Variants in GUCA2A observed in about 807,000 individuals in gnomAD.
GUCA2A encodes the protein guanylin.
GUCA2A carries 17 observed loss-of-function variants against 11.2 expected under a neutral mutation model. That is an observed-to-expected ratio of 1.52 (90% CI 1.04 to 2.28). The LOEUF (loss-of-function observed/expected upper bound fraction) is 2.28, where lower values mean the gene tolerates loss of function less well. Among genes scored for constraint, GUCA2A ranks in the 30% most tolerant of loss-of-function variants. The probability of loss-of-function intolerance (pLI) is 0.00; values close to 1 mark genes in which losing one functional copy is unlikely to be tolerated. For missense variants in GUCA2A, 173 were observed against 139.3 expected, an observed-to-expected ratio of 1.24 and a Z score of -1.22; for synonymous variants, 64 against 57.1, an observed-to-expected ratio of 1.12 and a Z score of -0.54.
intron 2 of GUCA2A, 31 bp from the exon 3 acceptor site, chr1:42,163,001 C>G (rs1192111756): frequency 6.3e-7 from 1 of 1,579,524 alleles, no homozygotes; most frequent in Admixed American, 1.7e-5. Context: ...CTCGTGAGAA[C>G]CAGCATTTCC....
intron 2 of GUCA2A, 110 bp downstream of exon 2, chr1:42,163,293 T>C: frequency 1.4e-6 from 1 of 724,884 alleles, no homozygotes; most frequent in South Asian, 1.8e-5. Context: ...GTTCCACCAG[T>C]CAGAGCTGAG....
chr1:42,163,508 G>A lies in GUCA2A; in HGVS notation c.178C>T (p.Pro60Ser), dbSNP rs537724623. The A allele has an allele frequency of 8.1e-6, 13 of 1,613,502 alleles. No individual in the cohort carries two copies. Among genetic ancestry groups the A allele is most frequent in the East Asian group, 2.2e-5 (1 of 44,876 alleles). ...AGGATGGGAACCACAGGTTCACCAGGGATGGGTGCAAAGTTCCTGAGTTTC... is the reference window on the plus strand; with the variant it reads ...AGGATGGGAACCACAGGTTCACCAGAGATGGGTGCAAAGTTCCTGAGTTTC... Reference protein sequence around the residue: ...VGKLRNFAPIPGEPVVPILCS... With the variant: ...VGKLRNFAPISGEPVVPILCS... The change falls in exon 2 of 3, where the codon CCT becomes TCT. Residue 60 changes from proline (P) to serine (S), a missense_variant. Coordinates refer to ENST00000357001, the MANE Select transcript of GUCA2A (RefSeq NM_033553.3).
At position 42,164,741 on chromosome 1, in the gene GUCA2A, G is replaced by C. The variant is rs1321672380; in HGVS notation, c.-29C>G. On this transcript the variant is annotated 5_prime_UTR_variant, in exon 1 of 3. Coordinates refer to ENST00000357001, the MANE Select transcript of GUCA2A (RefSeq NM_033553.3). ...AGCAGTGCCCGAGAGAGGGGTGGCT[G>C]TTCTGGATGCCAGGGGGAAGCGGCG... The C allele has an allele frequency of 1.5e-6, 2 of 1,375,864 alleles. No homozygotes were observed. Among genetic ancestry groups the C allele is most frequent in the East Asian group, 5.0e-5 (2 of 40,210 alleles). The allele number at this position is 1,375,864 out of a possible 1,614,324, so 85.2% of individuals were successfully genotyped here. A position where few individuals can be genotyped will look rare whatever the true frequency, so the allele number is the denominator to read the frequency against.
intron 2 of GUCA2A, 37 bp downstream of exon 2, chr1:42,163,366 C>A (rs2232225): frequency 1.5e-6 from 2 of 1,360,698 alleles, no homozygotes; most frequent in East Asian, 4.6e-5. Flanking sequence ...ACAGTATTCC[C>A]GAACCCCACC....
Position 42,163,399 on chromosome 1 carries a change from T to C in GUCA2A, c.283+4A>G. 1.9e-6 allele frequency: 3 copies of C among 1,579,472 alleles called. No individual in the cohort carries two copies. The highest frequency in any genetic ancestry group is 2.6e-6 in the Non-Finnish European group (3 of 1,148,540). The stretch of plus-strand genomic sequence containing the variant: ...ACCAATCAGAGAGGAAGGAGGCTGC[T>C]CACCCAGCCTCTGAAGTATCTCCTG... On this transcript the variant is annotated splice_donor_region_variant and intron_variant, in intron 2 of 2. Transcript: ENST00000357001.
intron 1 of GUCA2A, among the ~76,000 whole-genome samples, chr1:42,164,421 T>C (rs1344058116): frequency 1.3e-5 from 2 of 152,208 alleles, no homozygotes; most frequent in Admixed American, 6.5e-5. Flanking sequence ...CTTCCCCATA[T>C]GGTTATTCCT....
chr1:42,162,850 G>T lies in GUCA2A; in HGVS notation c.*56C>A, dbSNP rs1473127901. On this transcript the variant is annotated 3_prime_UTR_variant, in exon 3 of 3. Transcript: ENST00000357001. ...TGGAGTATCATGGGTGGCCCTTTCT[G>T]CAGGAGAAAAGAGCTTCCCTGCTGC... is the stretch of plus-strand genomic sequence containing the variant. 1.4e-6 allele frequency: 2 copies of T among 1,419,134 alleles called. No individual in the cohort carries two copies. The highest frequency in any genetic ancestry group is 1.4e-5 in the African/African-American group (1 of 70,646). The allele number at this position is 1,419,134 out of a possible 1,614,324, so 87.9% of individuals were successfully genotyped here.
chr1:42,164,406 C>T (rs913285514), intron 1 of GUCA2A, among the ~76,000 whole-genome samples: 1 of 152,168 alleles, frequency 6.6e-6, no homozygotes, highest in African/African-American at 2.4e-5. Flanking sequence ...TGGCCAACTC[C>T]CCGCCTTCCC....
At position 42,164,698 on chromosome 1, in the gene GUCA2A, C is replaced by T. The variant is rs1215052001; in HGVS notation, c.15G>A (p.Leu5=). The part of the protein sequence containing the change: MNAF[L]LSALCLLGAW... ...CCCCAAGGAGGCACAGTGCGGAGAG[C>T]AGGAAGGCATTCATGGCAGCAGTGC... is the stretch of plus-strand genomic sequence containing the variant. Residue 5 remains leucine, a synonymous_variant, in exon 1 of 3, where the codon CTG becomes CTA. Coordinates refer to ENST00000357001, the MANE Select transcript of GUCA2A (RefSeq NM_033553.3). 1 of 1,550,282 alleles carries T rather than the reference C, an allele frequency of 6.5e-7. No individual in the cohort carries two copies. The highest frequency in any genetic ancestry group is 8.7e-7 in the Non-Finnish European group (1 of 1,145,252).
rs767418875 is a variant in GUCA2A at position 42,163,420 on chromosome 1, T to TCA, written c.265_266insTG (p.Glu89ValfsTer?). On this transcript the variant is annotated frameshift_variant, in exon 2 of 3. Coordinates refer to ENST00000357001, the MANE Select transcript of GUCA2A (RefSeq NM_033553.3). LOFTEE classifies it high-confidence loss of function. Reference sequence around the variant, plus strand: ...CTGCTCACCCAGCCTCTGAAGTATCTCCTGGGCATTGGGCTCCTTGCAGAG... The same window carrying TCA: ...CTGCTCACCCAGCCTCTGAAGTATCTCACCTGGGCATTGGGCTCCTTGCAGAG... The TCA allele has an allele frequency of 1.9e-6, 3 of 1,611,954 alleles. No homozygotes were observed. The South Asian group carries it at 3.3e-5, about 18-fold the overall frequency.
chr1:42,162,978 A>G lies in GUCA2A; in HGVS notation c.284-8T>C, dbSNP rs577504459. The G allele has an allele frequency of 8.7e-6, 14 of 1,610,680 alleles. No individual in the cohort carries two copies. In the South Asian group the frequency reaches 9.9e-5, roughly 11 times the overall value. ...GGTCCTCAGCGATTTCCTCTGCACA[A>G]CAGAGATGGAGCCTCGTGAGAACCA... is the stretch of plus-strand genomic sequence containing the variant. On this transcript the variant is annotated splice_polypyrimidine_tract_variant and splice_region_variant and intron_variant, in intron 2 of 2. Transcript: ENST00000357001.
chr1:42,163,871 G>A (rs1053157271), intron 1 of GUCA2A, among the ~76,000 whole-genome samples: 3 of 152,236 alleles, frequency 2.0e-5, no homozygotes, highest in African/African-American at 7.2e-5. Context: ...TGAAGCTCCA[G>A]GAACACCATA....
chr1:42,162,833 C>T lies in GUCA2A; in HGVS notation c.*73G>A. 8.1e-7 allele frequency: 1 copy of T among 1,234,648 alleles called. No homozygotes were observed. The highest frequency in any genetic ancestry group is 1.2e-6 in the Non-Finnish European group (1 of 835,448). 76.5% of individuals were successfully genotyped at this position (1,234,648 alleles called of 1,614,324 possible). On this transcript the variant is annotated 3_prime_UTR_variant, in exon 3 of 3. Transcript: ENST00000357001. ...GGTTGAGCTGCTGGGAGTGGAGTAT[C>T]ATGGGTGGCCCTTTCTGCAGGAGAA...
chr1:42,164,658 C>T lies in GUCA2A; in HGVS notation c.55G>A (p.Ala19Thr). The T allele has an allele frequency of 6.5e-7, 1 of 1,550,310 alleles. No individual in the cohort carries two copies. The highest frequency in any genetic ancestry group is 8.7e-7 in the Non-Finnish European group (1 of 1,146,234). The part of the protein sequence containing the change: ...LCLLGAWAAL[A>T]GGVTVQDGNF... ...CTCACCTGCACGGTGACCCCTCCTG[C>T]CAAGGCGGCCCAGGCCCCAAGGAGG... Residue 19 changes from alanine to threonine, a missense_variant, in exon 1 of 3, where the codon GCA becomes ACA. By Grantham distance (58) the Ala-to-Thr change is moderately conservative. Coordinates refer to ENST00000357001, the MANE Select transcript of GUCA2A (RefSeq NM_033553.3).
In GUCA2A at chr1:42,162,954, G is replaced by A. The variant is rs776697003; in HGVS notation, c.300C>T (p.Asp100=). The change falls in exon 3 of 3, where the codon GAC becomes GAT. Residue 100 remains aspartate, a synonymous_variant. Transcript: ENST00000357001. Reference sequence around the variant, plus strand: ...AGGCACAGATTTCACATGTGCCCGGGTCCTCAGCGATTTCCTCTGCACAAC... The same window carrying A: ...AGGCACAGATTTCACATGTGCCCGGATCCTCAGCGATTTCCTCTGCACAAC... ...ILQRLEEIAE[D]PGTCEICAYA... The A allele has an allele frequency of 6.2e-7, 1 of 1,613,778 alleles. No individual in the cohort carries two copies. Among genetic ancestry groups the A allele is most frequent in the Non-Finnish European group, 8.5e-7 (1 of 1,179,734 alleles).
In GUCA2A at chr1:42,162,949, C is replaced by G; in HGVS notation, c.305G>C (p.Gly102Ala). The G allele has an allele frequency of 6.2e-7, 1 of 1,613,794 alleles. No individual in the cohort carries two copies. Among genetic ancestry groups the G allele is most frequent in the Non-Finnish European group, 8.5e-7 (1 of 1,179,754 alleles). ...QRLEEIAEDP[G>A]TCEICAYAAC... is the part of the protein sequence containing the mutation. ...AGCGTAGGCACAGATTTCACATGTGCCCGGGTCCTCAGCGATTTCCTCTGC... is the reference window on the plus strand; with the variant it reads ...AGCGTAGGCACAGATTTCACATGTGGCCGGGTCCTCAGCGATTTCCTCTGC... Residue 102 changes from glycine (G) to alanine (A), a missense_variant, in exon 3 of 3, where the codon GGC becomes GCC. Physicochemically the swap from Gly to Ala is moderately conservative, Grantham distance 60. Coordinates refer to ENST00000357001, the MANE Select transcript of GUCA2A (RefSeq NM_033553.3).
Position 42,162,942 on chromosome 1 carries a change from A to C in GUCA2A, c.312T>G (p.Cys104Trp), listed in dbSNP as rs554707455. ...TACAGGCAGCGTAGGCACAGATTTC[A>C]CATGTGCCCGGGTCCTCAGCGATTT... ...LEEIAEDPGTCEICAYAACTG... is the reference protein window; with the variant it reads ...LEEIAEDPGTWEICAYAACTG... Residue 104 changes from cysteine to tryptophan, a missense_variant, in exon 3 of 3, where the codon TGT becomes TGG. Cys to Trp is a radical substitution (Grantham distance 215). Transcript: ENST00000357001. The C allele has an allele frequency of 5.0e-6, 8 of 1,613,650 alleles. No individual in the cohort carries two copies. Among genetic ancestry groups the C allele is most frequent in the African/African-American group, 1.3e-5 (1 of 74,980 alleles).
chr1:42,164,585 T>G, intron 1 of GUCA2A, 53 bp downstream of exon 1: 1 of 1,035,402 alleles, frequency 9.7e-7, no homozygotes. Context: ...GGACCAGACC[T>G]GGGCACTAGG....
At position 42,163,554 on chromosome 1, in the gene GUCA2A, C is replaced by A. The variant is rs1262135766; in HGVS notation, c.132G>T (p.Glu44Asp). 1 of 1,613,872 alleles carries A rather than the reference C, an allele frequency of 6.2e-7. No individual in the cohort carries two copies. The highest frequency in any genetic ancestry group is 1.1e-5 in the South Asian group (1 of 91,066). Residue 44 changes from glutamate (E) to aspartate (D), a missense_variant, in exon 2 of 3, where the codon GAG becomes GAT. Physicochemically the swap from Glu to Asp is conservative, Grantham distance 45 (BLOSUM62 2). Coordinates refer to ENST00000357001, the MANE Select transcript of GUCA2A (RefSeq NM_033553.3). ...ESVKKLKDLQ[E>D]PQEPRVGKLR... Reference sequence around the variant, plus strand: ...GTTTCCCAACCCTGGGCTCCTGGGGCTCCTGGAGGTCTTTGAGCTTCTTCA... The same window carrying A: ...GTTTCCCAACCCTGGGCTCCTGGGGATCCTGGAGGTCTTTGAGCTTCTTCA...
Sources: allele counts gnomAD v4.1 joint callset (sites outside exome capture counted in the v4.1 genomes callset), GRCh38; gene constraint gnomAD v4.1.1; transcripts MANE v1.5; gene names NCBI Gene and HGNC (gene_info 2026-07-23, HGNC 2026-07-21).